PKNOX2: variants seen among roughly 807,000 people sequenced by gnomAD.
The protein encoded by PKNOX2 is homeobox protein PKNOX2.
Under a neutral mutation model 53.1 loss-of-function variants are expected in PKNOX2, and 14 were observed. That is an observed-to-expected ratio of 0.26 (90% confidence interval 0.17 to 0.41). The LOEUF (loss-of-function observed/expected upper bound fraction) is 0.41. Among genes scored for constraint, PKNOX2 ranks in the 10% least tolerant of loss-of-function variants. PKNOX2 has a pLI of 1.00. For synonymous variants in PKNOX2, 257 were observed against 242.8 expected (o/e 1.06, Z -0.54); for missense variants, 496 against 602.8 (o/e 0.82, Z 1.85).
chr11:125,358,828 C>T (rs569573656), intron 4 of PKNOX2, among the ~76,000 whole-genome samples: 33 of 152,234 alleles, frequency 2.2e-4, no homozygotes, highest in Admixed American at 4.6e-4. Context: ...GGTCATCCTT[C>T]AGTCATTTAA....
rs1438147694 is a variant in PKNOX2, at chr11:125,166,816, C to T, written c.-201+2040C>T. Among the ~76,000 whole-genome samples the T allele has an allele frequency of 6.6e-6, 1 of 152,166 alleles. No individual in the cohort carries two copies. Among genetic ancestry groups the T allele is most frequent in the Non-Finnish European group, 1.5e-5 (1 of 68,016 alleles). The stretch of plus-strand genomic sequence containing the variant: ...AGCTTGGAGTGCCCTACTGTCATCT[C>T]TCCTGTCCGGAGACTTCAGGATATT... On this transcript the variant is annotated intron_variant, in intron 1 of 12. Coordinates refer to ENST00000298282, the MANE Select transcript of PKNOX2 (RefSeq NM_001382323.2). The surrounding 1 kb of genome is among the most constrained non-coding windows in gnomAD (Gnocchi z 4.0).
At chr11:125,317,470 T>A (rs1032256457) in intron 2 of PKNOX2, among the ~76,000 whole-genome samples, 5 of 152,252 alleles carry the variant, frequency 3.3e-5, no homozygotes, top group African/African-American at 4.8e-5. Flanking sequence ...GTCAAAAGTA[T>A]TCCTTGATCT....
chr11:125,207,025 C>CGGGGGTGG (rs1939201255), intron 1 of PKNOX2, among the ~76,000 whole-genome samples: 1 of 119,296 alleles, frequency 8.4e-6, no homozygotes, highest in Non-Finnish European at 1.7e-5. Flanking sequence ...CTTCAGGTGG[C>CGGGGGTGG]GGGGGGTGAG....
rs1455609130 is a variant in PKNOX2 at position 125,198,841 on chromosome 11, C to CTTT, written c.-201+34077_-201+34079dup. Among the ~76,000 whole-genome samples the CTTT allele has an allele frequency of 7.7e-3, 737 of 96,140 alleles. 1 individual carries two copies. The highest frequency in any genetic ancestry group is 0.013 in the Non-Finnish European group (512 of 40,490). 63.1% of individuals were successfully genotyped at this position (96,140 alleles called of 152,430 possible). A position where few individuals can be genotyped will look rare whatever the true frequency, so the allele number is the denominator to read the frequency against. The stretch of plus-strand genomic sequence containing the variant: ...CCTCTTCCTTCTTCTTCTTCTTCTT[C>CTTT]TTTTTTTTTTTTTTCTGAGACAGAG... On this transcript the variant is annotated intron_variant, in intron 1 of 12. Transcript: ENST00000298282.
At chr11:125,334,596 T>G (rs1316876039) in intron 3 of PKNOX2, among the ~76,000 whole-genome samples, 1 of 137,464 alleles carries the variant, frequency 7.3e-6, no homozygotes, top group African/African-American at 3.3e-5. Context: ...CGTTTTTTTT[T>G]TTTTTTCTTT....
At chr11:125,251,764 C>T (rs1057343719) in intron 2 of PKNOX2, among the ~76,000 whole-genome samples, 2 of 141,450 alleles carry the variant, frequency 1.4e-5, no homozygotes, top group Non-Finnish European at 3.1e-5. Context: ...GTGTTTCTAC[C>T]TCCTCATTAT....
intron 2 of PKNOX2, among the ~76,000 whole-genome samples, chr11:125,313,927 A>G (rs573303755): frequency 6.6e-6 from 1 of 152,294 alleles, no homozygotes; most frequent in African/African-American, 2.4e-5. Flanking sequence ...GTTAGTACTT[A>G]CCGCACAGGA....
In PKNOX2 at chr11:125,373,525, A is replaced by G. The variant is rs371971942; in HGVS notation, c.227+5540A>G. On this transcript the variant is annotated intron_variant, in intron 5 of 12. Coordinates refer to ENST00000298282, the MANE Select transcript of PKNOX2 (RefSeq NM_001382323.2). ...TCATGAGGTTTAAGTGAGATAACAC[A>G]GGTAATGTGCTTGGTAAAGAACCTG... 1.8e-3 allele frequency among the ~76,000 whole-genome samples: 281 copies of G among 152,366 alleles called. 4 individuals are homozygous for G. The South Asian group carries it at 0.033, about 18-fold the overall frequency.
intron 6 of PKNOX2, among the ~76,000 whole-genome samples, chr11:125,389,815 A>G (rs1953920025): frequency 6.6e-6 from 1 of 152,134 alleles, no homozygotes; most frequent in African/African-American, 2.4e-5. Context: ...TAAATTTTTT[A>G]ACATTTATGG....
intron 8 of PKNOX2, 123 bp from the exon 9 acceptor site, chr11:125,410,656 G>A (rs1436189040): frequency 2.0e-5 from 15 of 748,956 alleles, no homozygotes; most frequent in Non-Finnish European, 2.9e-5. Flanking sequence ...GCCATAGCTC[G>A]CTACCCAAGG....
intron 1 of PKNOX2, among the ~76,000 whole-genome samples, chr11:125,222,724 T>C (rs1426502667): frequency 1.3e-5 from 2 of 150,490 alleles, no homozygotes; most frequent in African/African-American, 4.9e-5. Flanking sequence ...TATGTGTGTG[T>C]GTATGTGTGT....
At chr11:125,226,344 T>C (rs1294869587) in intron 1 of PKNOX2, among the ~76,000 whole-genome samples, 1 of 152,208 alleles carries the variant, frequency 6.6e-6, no homozygotes, top group Non-Finnish European at 1.5e-5. Context: ...TGGTAAAATC[T>C]GTAAACCTCT....
At chr11:125,305,827 C>T (rs1948411373) in intron 2 of PKNOX2, among the ~76,000 whole-genome samples, 1 of 152,098 alleles carries the variant, frequency 6.6e-6, no homozygotes, top group Non-Finnish European at 1.5e-5. Context: ...ATAAATCCAG[C>T]CTCCTGAAAG....
rs567560723 is a variant in PKNOX2, at chr11:125,431,495, G to A, written c.*103G>A. ...GACATGGGCAGGAAGCACCGAGGGAGTTGGGCCCTAGCTTCCCCAAATCAG... is the reference window on the plus strand; with the variant it reads ...GACATGGGCAGGAAGCACCGAGGGAATTGGGCCCTAGCTTCCCCAAATCAG... On this transcript the variant is annotated 3_prime_UTR_variant, in exon 13 of 13. Coordinates refer to ENST00000298282, the MANE Select transcript of PKNOX2 (RefSeq NM_001382323.2). The A allele has an allele frequency of 2.6e-6, 3 of 1,133,200 alleles. No homozygotes were observed. The African/African-American group carries it at 4.7e-5, about 18-fold the overall frequency. The allele number at this position is 1,133,200 out of a possible 1,614,324, so 70.2% of individuals were successfully genotyped here. A position where few individuals can be genotyped will look rare whatever the true frequency, so the allele number is the denominator to read the frequency against.
At chr11:125,331,116 C>T (rs1591530756) in intron 2 of PKNOX2, among the ~76,000 whole-genome samples, 1 of 152,254 alleles carries the variant, frequency 6.6e-6, no homozygotes, top group Admixed American at 6.5e-5. Context: ...AGTGTCCGGC[C>T]AGACCTTATG....
At chr11:125,242,424 C>G (rs1308073930) in intron 2 of PKNOX2, among the ~76,000 whole-genome samples, 1 of 152,150 alleles carries the variant, frequency 6.6e-6, no homozygotes, top group Admixed American at 6.5e-5. Flanking sequence ...TCTCTCTCCC[C>G]ACGATGCCAG....
chr11:125,348,748 C>T (rs780407649), intron 3 of PKNOX2, among the ~76,000 whole-genome samples: 1 of 152,218 alleles, frequency 6.6e-6, no homozygotes, highest in East Asian at 1.9e-4. Flanking sequence ...GAATGAAAGG[C>T]GCCTCTCTGT....
rs187249873 is a variant in PKNOX2 at position 125,220,435 on chromosome 11, G to T, written c.-200-14610G>T. On this transcript the variant is annotated intron_variant, in intron 1 of 12. Transcript: ENST00000298282. ...GAGACAGAAGGGATAGATTTGAGAAGTCTTTTTTAGGCATGGAATCCCCAC... is the reference window on the plus strand; with the variant it reads ...GAGACAGAAGGGATAGATTTGAGAATTCTTTTTTAGGCATGGAATCCCCAC... Among the ~76,000 whole-genome samples the T allele has an allele frequency of 1.2e-4, 18 of 152,344 alleles. No homozygotes were observed. In the East Asian group the frequency reaches 2.7e-3, roughly 23 times the overall value.
rs142641549 is a variant in PKNOX2, at chr11:125,221,182, A to T, written c.-200-13863A>T. 1.8e-3 allele frequency among the ~76,000 whole-genome samples: 278 copies of T among 152,116 alleles called. 2 individuals carry two copies. Among genetic ancestry groups the T allele is most frequent in the Admixed American group, 4.8e-3 (73 of 15,280 alleles). Reference sequence around the variant, plus strand: ...AAAAAACAAAACAAAAATTGTCACCATCTAATTGGCTCTGCAACTGCTGCT... The same window carrying T: ...AAAAAACAAAACAAAAATTGTCACCTTCTAATTGGCTCTGCAACTGCTGCT... On this transcript the variant is annotated intron_variant, in intron 1 of 12. Transcript: ENST00000298282.
Sources: allele counts gnomAD v4.1 joint callset (sites outside exome capture counted in the v4.1 genomes callset), GRCh38; gene constraint gnomAD v4.1.1; non-coding constraint Gnocchi (gnomAD v3.1); transcripts MANE v1.5; gene names NCBI Gene and HGNC (gene_info 2026-07-23, HGNC 2026-07-21).